The following PRKCH variants were observed in gnomAD, a reference collection of about 807,000 sequenced individuals.
The protein encoded by PRKCH is protein kinase C eta.
A neutral mutation model predicts 82.5 loss-of-function variants in PRKCH; 28 were observed. That is an observed-to-expected ratio of 0.34 (90% CI 0.25 to 0.47). The LOEUF is 0.47. Among genes scored for constraint, PRKCH ranks in the 20% least tolerant of loss-of-function variants. PRKCH has a pLI of 1.00. For missense variants in PRKCH, 705 were observed against 881.8 expected (o/e 0.80, Z 2.54); for synonymous variants, 322 against 327.4 (o/e 0.98, Z 0.18).
intron 1 of PRKCH, among the ~76,000 whole-genome samples, chr14:61,300,713 C>T (rs567879733): frequency 2.6e-4 from 39 of 152,102 alleles, no homozygotes; most frequent in Non-Finnish European, 5.6e-4. Flanking sequence ...GCTGAAAAAT[C>T]GAGCTGCAGA....
chr14:61,432,831 C>T (rs1461208801), intron 2 of PRKCH, among the ~76,000 whole-genome samples: 1 of 151,976 alleles, frequency 6.6e-6, no homozygotes, highest in Admixed American at 6.6e-5. Flanking sequence ...ACTTCAGCCT[C>T]CCAAAGTCCT....
chr14:61,381,354 A>G (rs1191891614), intron 1 of PRKCH, among the ~76,000 whole-genome samples: 1 of 152,206 alleles, frequency 6.6e-6, no homozygotes, highest in Non-Finnish European at 1.5e-5. Context: ...GTCAGATTTG[A>G]TACTACTTTT....
At chr14:61,468,275 A>G (rs1458896694) in intron 9 of PRKCH, among the ~76,000 whole-genome samples, 2 of 152,192 alleles carry the variant, frequency 1.3e-5, no homozygotes, top group Non-Finnish European at 2.9e-5. Context: ...CAAAATAGAA[A>G]ATGAGCCAGA....
At chr14:61,318,166 C>T (rs1231819125), upstream of PRKCH, among the ~76,000 whole-genome samples, 1 of 151,822 alleles carries the variant, frequency 6.6e-6, no homozygotes, top group Non-Finnish European at 1.5e-5. Context: ...CTCAACCTCC[C>T]AGGCTCAAGT....
At chr14:61,406,911 C>A (rs942361658) in intron 2 of PRKCH, among the ~76,000 whole-genome samples, 1 of 151,970 alleles carries the variant, frequency 6.6e-6, no homozygotes, top group East Asian at 1.9e-4. Flanking sequence ...ACTCGACATC[C>A]GAGATTTACT....
chr14:61,380,063 G>A lies in PRKCH; in HGVS notation c.364-11162G>A, dbSNP rs555618454. 1.8e-3 allele frequency among the ~76,000 whole-genome samples: 241 copies of A among 131,228 alleles called. 1 individual carries two copies. Among genetic ancestry groups the A allele is most frequent in the African/African-American group, 6.7e-3 (222 of 33,098 alleles). 86.1% of individuals were successfully genotyped at this position (131,228 alleles called of 152,430 possible). A position where few individuals can be genotyped will look rare whatever the true frequency, so the allele number is the denominator to read the frequency against. The stretch of plus-strand genomic sequence containing the variant: ...TCTTAGTTCTTTTTTGTTTTGTTTT[G>A]TTTTGTTTTATTATGGGGTTTCACT... On this transcript the variant is annotated intron_variant, in intron 1 of 13. Transcript: ENST00000332981.
chr14:61,394,003 A>C (rs766660203), intron 2 of PRKCH, among the ~76,000 whole-genome samples: 1 of 152,206 alleles, frequency 6.6e-6, no homozygotes, highest in African/African-American at 2.4e-5. Context: ...GGGTTGGTCC[A>C]TATCAAGCTA....
intron 1 of PRKCH, among the ~76,000 whole-genome samples, chr14:61,258,754 T>C (rs1412131706): frequency 2.0e-5 from 3 of 152,230 alleles, no homozygotes; most frequent in Non-Finnish European, 4.4e-5. Flanking sequence ...ATTTGCAAAA[T>C]ATTTTGTGGG....
Position 61,457,675 on chromosome 14 carries a change from C to A in PRKCH, c.1274C>A (p.Thr425Asn). 1.9e-6 allele frequency: 3 copies of A among 1,613,970 alleles called. No homozygotes were observed. Among genetic ancestry groups the A allele is most frequent in the South Asian group, 1.1e-5 (1 of 91,052 alleles). Reference protein sequence around the residue: ...FLTQLFCCFQTPDRLFFVMEF... With the variant: ...FLTQLFCCFQNPDRLFFVMEF... The stretch of plus-strand genomic sequence containing the variant: ...ACTCAGTTGTTCTGCTGCTTTCAGA[C>A]CCCCGTAAGTATGAATCACATTCAC... Residue 425 changes from threonine (T) to asparagine (N), a missense_variant, in exon 9 of 14, where the codon ACC (threonine) becomes AAC (asparagine). By Grantham distance (65) the Thr-to-Asn change is moderately conservative. Around this residue, in one of 5 missense-constraint regions of PRKCH, gnomAD observed 238 missense variants for 258.1 expected, o/e 0.92. Coordinates refer to ENST00000332981, the MANE Select transcript of PRKCH (RefSeq NM_006255.5).
chr14:61,258,705 G>A (rs2045020096), intron 1 of PRKCH, among the ~76,000 whole-genome samples: 2 of 151,986 alleles, frequency 1.3e-5, no homozygotes, highest in South Asian at 4.1e-4. Context: ...CCAGTCTATT[G>A]GACAAATATT....
intron 10 of PRKCH, among the ~76,000 whole-genome samples, chr14:61,492,464 T>C (rs1317862919): frequency 6.6e-6 from 1 of 152,256 alleles, no homozygotes; most frequent in African/African-American, 2.4e-5. Context: ...TTGTTTCTCA[T>C]AGTGGATATT....
intron 1 of PRKCH, among the ~76,000 whole-genome samples, chr14:61,209,245 TA>T (rs1458518024): frequency 6.8e-6 from 1 of 147,956 alleles, no homozygotes; most frequent in Admixed American, 6.9e-5. Context: ...TTTTTCTTTA[TA>T]AATTACCCAG....
At chr14:61,227,748 A>T (rs754696391) in intron 1 of PRKCH, among the ~76,000 whole-genome samples, 2 of 152,120 alleles carry the variant, frequency 1.3e-5, no homozygotes, top group East Asian at 1.9e-4. Context: ...AAAAACCGTG[A>T]TTATTTTTGC....
chr14:61,397,664 G>A (rs575829015), intron 2 of PRKCH, among the ~76,000 whole-genome samples: 2 of 152,316 alleles, frequency 1.3e-5, no homozygotes, highest in South Asian at 4.1e-4. Flanking sequence ...CTTGCTGTAT[G>A]CCAGGGACTG....
At chr14:61,439,476 C>T (rs1485837136) in intron 2 of PRKCH, among the ~76,000 whole-genome samples, 2 of 152,094 alleles carry the variant, frequency 1.3e-5, no homozygotes, top group Non-Finnish European at 2.9e-5. Context: ...AGCACACGTG[C>T]AAAATAATGT....
chr14:61,356,872 G>A (rs1314559593), intron 1 of PRKCH, among the ~76,000 whole-genome samples: 1 of 152,132 alleles, frequency 6.6e-6, no homozygotes, highest in African/African-American at 2.4e-5. Flanking sequence ...AGTTGAGACA[G>A]GGTTTCGCCA....
chr14:61,294,110 GTTTTAT>G (rs1248085380), intron 1 of PRKCH, among the ~76,000 whole-genome samples: 16 of 151,482 alleles, frequency 1.1e-4, no homozygotes, highest in African/African-American at 2.9e-4. Flanking sequence ...ATTGTTTGAA[GTTTTAT>G]TTTTATTTTT....
intron 1 of PRKCH, among the ~76,000 whole-genome samples, chr14:61,309,276 C>G (rs2045504414): frequency 6.6e-6 from 1 of 151,920 alleles, no homozygotes; most frequent in Non-Finnish European, 1.5e-5. Context: ...GAGTGAGACC[C>G]TGTCTCAAAA....
chr14:61,478,497 A>C (rs1362491609), intron 9 of PRKCH, among the ~76,000 whole-genome samples: 1 of 152,184 alleles, frequency 6.6e-6, no homozygotes, highest in Non-Finnish European at 1.5e-5. Context: ...CTTCTGGTTT[A>C]ATCTTTACAT....
Sources: gnomAD v4.1 joint callset for allele counts (sites outside exome capture counted in the v4.1 genomes callset) on GRCh38, gnomAD v4.1.1 for gene constraint, gnomAD v4.1.1 regional missense constraint, MANE v1.5 for transcripts, NCBI Gene and HGNC (gene_info 2026-07-23, HGNC 2026-07-21) for gene names.